Variants in RBFOX1 observed in about 807,000 individuals in gnomAD.
The protein encoded by RBFOX1 is RNA binding fox-1 homolog 1, also known as RNA binding protein fox-1 homolog 1.
RBFOX1 carries 8 observed loss-of-function variants against 57.7 expected under a neutral mutation model. That is an observed-to-expected ratio of 0.14 (90% confidence interval 0.08 to 0.25). The LOEUF (loss-of-function observed/expected upper bound fraction) is 0.25. RBFOX1 is among the 10% of genes least tolerant of loss of function. RBFOX1 has a pLI of 1.00. For synonymous variants in RBFOX1, 326 were observed against 222.4 expected (o/e 1.47, Z -4.15); for missense variants, 611 against 548.5 (o/e 1.11, Z -1.14).
intron 4 of RBFOX1, among the ~76,000 whole-genome samples, chr16:7,208,232 C>T (rs567146383): frequency 1.3e-5 from 2 of 152,286 alleles, no homozygotes; most frequent in East Asian, 3.9e-4. Context: ...GATTGTCCCT[C>T]CACCAATTCA....
intron 2 of RBFOX1, among the ~76,000 whole-genome samples, chr16:6,490,869 C>T (rs1336791879): frequency 2.6e-5 from 4 of 152,132 alleles, no homozygotes; most frequent in Non-Finnish European, 2.9e-5. Context: ...TGTCAAAAGA[C>T]TGATGTTGGA....
chr16:7,508,482 A>G (rs1507011), intron 4 of RBFOX1, among the ~76,000 whole-genome samples: 102,343 of 151,966 alleles, frequency 0.67, 36,603 homozygotes, highest in Middle Eastern at 0.82. Context: ...CTTGTGAGAC[A>G]GGGCCTCTTG....
rs536256808 is a variant in RBFOX1, at chr16:5,426,036, G to A, written c.220-41180G>A. 2.0e-4 allele frequency among the ~76,000 whole-genome samples: 31 copies of A among 152,294 alleles called. No individual in the cohort carries two copies. In the South Asian group the frequency reaches 6.4e-3, roughly 32 times the overall value. ...GCTGCTGGTGGAAGGCATGGAAACG[G>A]AACCCAAAACACAAAACAGAAACAA... On this transcript the variant is annotated intron_variant, in intron 1 of 2. Transcript: ENST00000585867.
chr16:7,069,214 TC>T (rs1402145805), intron 4 of RBFOX1, among the ~76,000 whole-genome samples: 1 of 152,184 alleles, frequency 6.6e-6, no homozygotes, highest in Admixed American at 6.5e-5. Flanking sequence ...TTTTTTAAGT[TC>T]CAGGATACAT....
intron 4 of RBFOX1, among the ~76,000 whole-genome samples, chr16:5,989,997 G>A (rs2060363679): frequency 6.6e-6 from 1 of 151,994 alleles, no homozygotes; most frequent in East Asian, 1.9e-4. Context: ...CAGCCTTTTT[G>A]TTTGTTGGTT....
chr16:6,483,625 C>A (rs1210478296), intron 2 of RBFOX1: 37 of 1,508,154 alleles, frequency 2.5e-5, no homozygotes, highest in Non-Finnish European at 3.1e-5. Context: ...AAGGGAGAGA[C>A]CAGGCAGCTT....
At chr16:5,424,956 G>C (rs796604273) in intron 1 of RBFOX1, among the ~76,000 whole-genome samples, 11,471 of 47,912 alleles carry the variant, frequency 0.24, 1,529 homozygotes, top group East Asian at 0.28. Context: ...TTCTTCCTTT[G>C]TTTCTTTCTC....
chr16:6,165,081 C>G (rs1226679644), intron 1 of RBFOX1, among the ~76,000 whole-genome samples: 4 of 152,076 alleles, frequency 2.6e-5, no homozygotes, highest in Non-Finnish European at 4.4e-5. Flanking sequence ...ATGGTTTTGT[C>G]ATTCACAGCT....
chr16:5,364,176 A>G (rs1342701263), intron 1 of RBFOX1, among the ~76,000 whole-genome samples: 1 of 152,190 alleles, frequency 6.6e-6, no homozygotes, highest in East Asian at 1.9e-4. Context: ...ATTAATTTTT[A>G]AGTTTCCTTC....
intron 3 of RBFOX1, among the ~76,000 whole-genome samples, chr16:5,852,452 G>T (rs1384926480): frequency 2.0e-5 from 3 of 152,218 alleles, no homozygotes; most frequent in Non-Finnish European, 4.4e-5. Context: ...CAGGGAGCTT[G>T]CACACCCTGA....
chr16:6,021,999 C>T (rs377024405), intron 1 of RBFOX1, among the ~76,000 whole-genome samples: 1 of 152,102 alleles, frequency 6.6e-6, no homozygotes. Context: ...GGTGGCTTGC[C>T]TTATACACAC....
At chr16:5,301,357 T>A (rs11865637) in intron 1 of RBFOX1, among the ~76,000 whole-genome samples, 4,848 of 152,132 alleles carry the variant, frequency 0.032, 242 homozygotes, top group African/African-American at 0.11. Flanking sequence ...CGGTGGCTCA[T>A]GCCTGTAATA....
intron 1 of RBFOX1, among the ~76,000 whole-genome samples, chr16:5,309,422 A>G (rs2064023006): frequency 6.6e-6 from 1 of 152,218 alleles, no homozygotes; most frequent in Non-Finnish European, 1.5e-5. Context: ...AAGTAACACC[A>G]AAGTTGATTG....
At chr16:6,458,990 TA>T (rs2094842921) in intron 2 of RBFOX1, among the ~76,000 whole-genome samples, 1 of 152,350 alleles carries the variant, frequency 6.6e-6, no homozygotes, top group African/African-American at 2.4e-5. Flanking sequence ...TCTTGTGCTT[TA>T]TTGAAGATTC....
intron 3 of RBFOX1, among the ~76,000 whole-genome samples, chr16:5,700,146 A>G (rs995556855): frequency 2.0e-5 from 3 of 152,194 alleles, no homozygotes; most frequent in Admixed American, 1.3e-4. Context: ...TTCTGGTTTT[A>G]TTAACTGAAA....
At chr16:7,280,945 TTCCCTACCTACCTCCC>T (rs1164637645) in intron 4 of RBFOX1, among the ~76,000 whole-genome samples, 21 of 130,316 alleles carry the variant, frequency 1.6e-4, no homozygotes, top group Non-Finnish European at 2.0e-4. Context: ...TTGCATGTGA[TTCCCTACCTACCTCCC>T]TCCCTCCCTC....
chr16:5,538,457 TGAG>T (rs946141796), intron 2 of RBFOX1, among the ~76,000 whole-genome samples: 6 of 151,888 alleles, frequency 4.0e-5, no homozygotes, highest in Admixed American at 3.3e-4. Context: ...AGACGAAAAA[TGAG>T]GAGGATTACA....
chr16:5,699,295 A>T (rs2050950590), intron 3 of RBFOX1, among the ~76,000 whole-genome samples: 1 of 152,004 alleles, frequency 6.6e-6, no homozygotes, highest in African/African-American at 2.4e-5. Flanking sequence ...TCTTTTAAAA[A>T]GTAAATTGAA....
intron 3 of RBFOX1, among the ~76,000 whole-genome samples, chr16:6,719,954 G>A (rs1416155572): frequency 6.6e-6 from 1 of 151,734 alleles, no homozygotes; most frequent in Non-Finnish European, 1.5e-5. Context: ...ATTAGCCGGG[G>A]GTGATGGCAG....
Sources: gnomAD v4.1 joint callset for allele counts (sites outside exome capture counted in the v4.1 genomes callset) on GRCh38, gnomAD v4.1.1 for gene constraint, MANE v1.5 for transcripts, NCBI Gene and HGNC (gene_info 2026-07-23, HGNC 2026-07-21) for gene names.